MYOF: variants seen among roughly 807,000 people sequenced by gnomAD.
MYOF encodes myoferlin.
MYOF carries 244 observed loss-of-function variants against 284.2 expected under a neutral mutation model. The observed-to-expected ratio is 0.86, with a 90% CI of 0.77 to 0.95. MYOF has a LOEUF of 0.95. Among genes scored for constraint, MYOF ranks in the 40% least tolerant of loss-of-function variants. The pLI, the probability that MYOF is intolerant of heterozygous loss-of-function variation, is 0.00. For missense variants in MYOF, 2,496 were observed against 2,560.6 expected (o/e 0.97, Z 0.54); for synonymous variants, 904 against 919.7 (o/e 0.98, Z 0.31).
intron 3 of MYOF, among the ~76,000 whole-genome samples, chr10:93,437,154 G>A (rs1716077063): frequency 6.6e-6 from 1 of 152,170 alleles, no homozygotes; most frequent in African/African-American, 2.4e-5. Flanking sequence ...TACACAATGG[G>A]AGCAACTACT....
chr10:93,431,796 A>C (rs1848887930), intron 3 of MYOF, among the ~76,000 whole-genome samples: 1 of 137,376 alleles, frequency 7.3e-6, no homozygotes. Flanking sequence ...CCCAGGCTGG[A>C]GTGCACTGGG....
chr10:93,370,485 T>A (rs1181740062), intron 24 of MYOF, among the ~76,000 whole-genome samples: 3 of 135,822 alleles, frequency 2.2e-5, no homozygotes, highest in African/African-American at 7.8e-5. Flanking sequence ...CTAATTTTTG[T>A]ATTTTTTTTG....
chr10:93,414,363 C>G (rs1291368036), intron 5 of MYOF, among the ~76,000 whole-genome samples: 1 of 152,106 alleles, frequency 6.6e-6, no homozygotes, highest in East Asian at 1.9e-4. Flanking sequence ...ATGGCAAAGC[C>G]CCGTTTCTAC....
At chr10:93,432,792 G>A (rs114870190) in intron 3 of MYOF, among the ~76,000 whole-genome samples, 299 of 152,274 alleles carry the variant, frequency 2.0e-3, no homozygotes, top group African/African-American at 7.0e-3. Context: ...CCTCGACTCA[G>A]GGATTCTTGC....
rs1289165932 is a variant in MYOF at position 93,355,736 on chromosome 10, C to G, written c.3295G>C (p.Gly1099Arg). 1 of 1,610,642 alleles carries G rather than the reference C, an allele frequency of 6.2e-7. No individual in the cohort carries two copies. The change falls in exon 31 of 54, where the codon GGG becomes CGG. Residue 1099 changes from glycine to arginine, a missense_variant and splice_region_variant. Physicochemically the swap from Gly to Arg is moderately radical, Grantham distance 125 (BLOSUM62 -2). This residue lies in a region of MYOF where 2,436 missense variants were observed against 2,480.7 expected (regional missense o/e 0.98). Coordinates refer to ENST00000359263, the MANE Select transcript of MYOF (RefSeq NM_013451.4). ...AAIFKLEGAL[G>R]ADTTEDGDEK... ...TCCCCATCTTCGGTAGTGTCTGCCC[C>G]CTGAAGTCAATTAACAGAGTCAATT...
chr10:93,345,269 T>C (rs1180200302), intron 37 of MYOF, among the ~76,000 whole-genome samples: 2 of 152,228 alleles, frequency 1.3e-5, no homozygotes, highest in Non-Finnish European at 2.9e-5. Context: ...CTGTAGAATA[T>C]GTGCCATTAT....
At chr10:93,327,065 C>T (rs1026292628) in intron 45 of MYOF, among the ~76,000 whole-genome samples, 1 of 152,034 alleles carries the variant, frequency 6.6e-6, no homozygotes, top group Non-Finnish European at 1.5e-5. Context: ...TGTGTGACTC[C>T]AAGGCTTAGA....
At chr10:93,428,611 A>G (rs1848701900) in intron 4 of MYOF, among the ~76,000 whole-genome samples, 1 of 140,696 alleles carries the variant, frequency 7.1e-6, no homozygotes, top group Admixed American at 7.2e-5. Context: ...ACACACACAC[A>G]GTGCATTGCC....
intron 30 of MYOF, among the ~76,000 whole-genome samples, chr10:93,356,058 G>A (rs2133907172): frequency 6.6e-6 from 1 of 152,254 alleles, no homozygotes; most frequent in African/African-American, 2.4e-5. Flanking sequence ...GATGGGATAA[G>A]GAAGAGAAAG....
At chr10:93,441,688 C>G (rs955017582) in intron 3 of MYOF, among the ~76,000 whole-genome samples, 1 of 151,568 alleles carries the variant, frequency 6.6e-6, no homozygotes, top group African/African-American at 2.4e-5. Flanking sequence ...CTCAGCCTCC[C>G]GAGTAGCTGG....
chr10:93,428,566 AAC>A (rs58503520), intron 4 of MYOF, among the ~76,000 whole-genome samples: 8,360 of 143,712 alleles, frequency 0.058, 317 homozygotes, highest in East Asian at 0.12. Flanking sequence ...ACATCTGGTA[AAC>A]ACACACACAC....
At chr10:93,406,211 G>A (rs1166650199) in intron 7 of MYOF, among the ~76,000 whole-genome samples, 1 of 145,158 alleles carries the variant, frequency 6.9e-6, no homozygotes, top group African/African-American at 2.5e-5. Flanking sequence ...TACCCACCTC[G>A]GCCTCCCAAA....
intron 2 of MYOF, 88 bp downstream of exon 2, chr10:93,456,786 CTCCTTCCG>C: frequency 2.3e-6 from 2 of 883,902 alleles, no homozygotes; most frequent in Non-Finnish European, 3.6e-6. Context: ...TGTAGAGATT[CTCCTTCCG>C]AAGGGAAGAG....
At chr10:93,454,637 G>A (rs1299210456) in intron 2 of MYOF, among the ~76,000 whole-genome samples, 1 of 152,140 alleles carries the variant, frequency 6.6e-6, no homozygotes, top group Non-Finnish European at 1.5e-5. Flanking sequence ...TTACAGATAA[G>A]TGGAATTCCC....
At chr10:93,403,986 TTCTG>T (rs772379542) in intron 9 of MYOF, 33 bp downstream of exon 9, 25 of 1,603,510 alleles carry the variant, frequency 1.6e-5, no homozygotes, top group Non-Finnish European at 2.1e-5. Context: ...GTTCTCATCT[TTCTG>T]TAAGTTGAAT....
chr10:93,463,335 G>A (rs954593127), intron 1 of MYOF, among the ~76,000 whole-genome samples: 1 of 151,220 alleles, frequency 6.6e-6, no homozygotes, highest in African/African-American at 2.4e-5. Flanking sequence ...CCAGAGGATC[G>A]CTTGAGTCCA....
At chr10:93,405,457 C>A (rs543130075) in intron 7 of MYOF, among the ~76,000 whole-genome samples, 13 of 152,226 alleles carry the variant, frequency 8.5e-5, no homozygotes, top group Admixed American at 3.3e-4. Flanking sequence ...TTTTTTCTTG[C>A]CTTTTGTTCT....
intron 5 of MYOF, among the ~76,000 whole-genome samples, chr10:93,423,182 G>A (rs916804168): frequency 6.6e-6 from 1 of 151,962 alleles, no homozygotes; most frequent in African/African-American, 2.4e-5. Flanking sequence ...AACTTGATTC[G>A]GGTGGGTCCC....
Position 93,401,534 on chromosome 10 carries a change from C to A in MYOF, c.1001G>T (p.Arg334Leu), listed in dbSNP as rs763460034. ...GTGDEPPPER[R>L]DRDNDSDDVE... Reference sequence around the variant, plus strand: ...ATCATCACTGTCATTATCACGATCTCGTCTCTCAGGCTATTAGGGGCACAT... The same window carrying A: ...ATCATCACTGTCATTATCACGATCTAGTCTCTCAGGCTATTAGGGGCACAT... The change falls in exon 12 of 54, where the codon CGA becomes CTA. Residue 334 changes from arginine (R) to leucine (L), a missense_variant. Arg to Leu is a moderately radical substitution (Grantham distance 102, BLOSUM62 -2). Coordinates refer to ENST00000359263, the MANE Select transcript of MYOF (RefSeq NM_013451.4). The A allele has an allele frequency of 1.9e-6, 3 of 1,614,010 alleles. No homozygotes were observed. The highest frequency in any genetic ancestry group is 2.2e-5 in the South Asian group (2 of 91,060).
Sources: allele counts gnomAD v4.1 joint callset (sites outside exome capture counted in the v4.1 genomes callset), GRCh38; gene constraint gnomAD v4.1.1; regional missense constraint gnomAD v4.1.1; transcripts MANE v1.5; gene names NCBI Gene and HGNC (gene_info 2026-07-23, HGNC 2026-07-21).